The following SWAP70 variants were observed in gnomAD, a reference collection of about 807,000 sequenced individuals.
SWAP70 encodes switching B cell complex subunit SWAP70.
Under a neutral mutation model 80.2 loss-of-function variants are expected in SWAP70, and 34 were observed. The ratio of observed to expected loss-of-function variants is 0.42; its 90% CI spans 0.32 to 0.56. The LOEUF (loss-of-function observed/expected upper bound fraction) is 0.56. SWAP70 is among the 20% of genes least tolerant of loss of function. SWAP70 has a pLI of 0.09. For synonymous variants in SWAP70, 239 were observed against 238.5 expected (o/e 1.00, Z -0.02); for missense variants, 578 against 690.7 (o/e 0.84, Z 1.83).
At position 9,704,782 on chromosome 11, in the gene SWAP70, G is replaced by A. The variant is rs570898797; in HGVS notation, c.241-8684G>A. On this transcript the variant is annotated intron_variant, in intron 2 of 11. Transcript: ENST00000318950. ...GCACTAGAAGCTCCTTAGAGACTAC[G>A]TATGTCTTATTTTATGTGGGACTCC... 1.4e-4 allele frequency among the ~76,000 whole-genome samples: 21 copies of A among 152,250 alleles called. No individual in the cohort carries two copies. In the South Asian group the frequency reaches 2.1e-3, roughly 15 times the overall value.
intron 1 of SWAP70, among the ~76,000 whole-genome samples, chr11:9,674,862 G>A (rs1472376608): frequency 6.6e-6 from 1 of 151,984 alleles, no homozygotes; most frequent in African/African-American, 2.4e-5. Context: ...CCAGCTACTC[G>A]GGAGGCTGAG....
chr11:9,734,117 A>G (rs1851334537), intron 7 of SWAP70, among the ~76,000 whole-genome samples: 1 of 152,166 alleles, frequency 6.6e-6, no homozygotes, highest in South Asian at 2.1e-4. Context: ...GAAATGCTTC[A>G]ATGAGCATTT....
chr11:9,694,750 A>G (rs1418346930), intron 2 of SWAP70, among the ~76,000 whole-genome samples: 2 of 152,200 alleles, frequency 1.3e-5, no homozygotes, highest in Non-Finnish European at 2.9e-5. Context: ...AATCAAAACC[A>G]CAATGAGATA....
At chr11:9,684,784 A>G (rs1850610416) in intron 1 of SWAP70, among the ~76,000 whole-genome samples, 1 of 152,216 alleles carries the variant, frequency 6.6e-6, no homozygotes, top group African/African-American at 2.4e-5. Flanking sequence ...TAAAGTAGCA[A>G]AATGAAATTT....
rs1384406849 is a variant in SWAP70, at chr11:9,741,790, G to A, written c.1355+1443G>A. 3 of 151,888 alleles carry A rather than the reference G, an allele frequency of 2.0e-5. 1 individual carries two copies. Among genetic ancestry groups the A allele is most frequent in the Non-Finnish European group, 4.4e-5 (3 of 67,990 alleles). The allele number at this position is 151,888 out of a possible 1,614,324, so 9.4% of individuals were successfully genotyped here. ...TGAAGCCAGTGGTTTTTTAACCAAT[G>A]TTATGTATCAGAATCACCTCACAAA... On this transcript the variant is annotated intron_variant, in intron 9 of 11. Transcript: ENST00000318950.
intron 3 of SWAP70, among the ~76,000 whole-genome samples, chr11:9,719,726 A>G (rs1851111925): frequency 6.6e-6 from 1 of 152,200 alleles, no homozygotes. Flanking sequence ...ATTCCTGGAA[A>G]TATGTGCCTG....
intron 3 of SWAP70, among the ~76,000 whole-genome samples, chr11:9,719,618 A>C (rs2133801343): frequency 6.6e-6 from 1 of 152,344 alleles, no homozygotes; most frequent in African/African-American, 2.4e-5. Flanking sequence ...ATAAATATTT[A>C]AGTGACTTAC....
At chr11:9,707,552 CTTTTCTTTTTTT>C (rs1475212394) in intron 2 of SWAP70, among the ~76,000 whole-genome samples, 1 of 132,280 alleles carries the variant, frequency 7.6e-6, no homozygotes, top group African/African-American at 2.8e-5. Context: ...TTTTCTTTTT[CTTTTCTTTTTTT>C]TTTTTTTTTG....
Position 9,670,438 on chromosome 11 carries a change from T to G in SWAP70, c.99+6160T>G, listed in dbSNP as rs145348384. The stretch of plus-strand genomic sequence containing the variant: ...GTGATGCAGTTTTGAACACGAAAAG[T>G]TTTTTTTTGTTTTATTTATTTATTT... On this transcript the variant is annotated intron_variant, in intron 1 of 11. Coordinates refer to ENST00000318950, the MANE Select transcript of SWAP70 (RefSeq NM_015055.4). Among the ~76,000 whole-genome samples, 14 of 151,744 alleles carry G rather than the reference T, an allele frequency of 9.2e-5. No individual in the cohort carries two copies. The East Asian group carries it at 2.3e-3, about 25-fold the overall frequency.
intron 6 of SWAP70, among the ~76,000 whole-genome samples, chr11:9,732,311 T>A (rs1053557070): frequency 2.0e-5 from 3 of 152,118 alleles, no homozygotes; most frequent in Non-Finnish European, 2.9e-5. Context: ...TGGAAACTGA[T>A]GCTGCAAGAG....
At chr11:9,700,589 C>T (rs1269471102) in intron 2 of SWAP70, among the ~76,000 whole-genome samples, 2 of 152,140 alleles carry the variant, frequency 1.3e-5, no homozygotes, top group Admixed American at 1.3e-4. Context: ...CCCCCATTAA[C>T]TAAAGAGGAA....
chr11:9,712,742 T>G (rs1851014645), intron 2 of SWAP70, among the ~76,000 whole-genome samples: 2 of 150,926 alleles, frequency 1.3e-5, no homozygotes, highest in South Asian at 4.2e-4. Context: ...TTCCTTTTTT[T>G]TTTTTTTTTT....
intron 1 of SWAP70, among the ~76,000 whole-genome samples, chr11:9,691,559 A>G (rs1181813834): frequency 6.6e-6 from 1 of 152,334 alleles, no homozygotes; most frequent in African/African-American, 2.4e-5. Flanking sequence ...TATCTTCTGC[A>G]GTGGGATCAC....
chr11:9,686,800 T>C (rs1477096271), intron 1 of SWAP70, among the ~76,000 whole-genome samples: 2 of 152,214 alleles, frequency 1.3e-5, no homozygotes, highest in Admixed American at 1.3e-4. Context: ...GTATTTGAGA[T>C]GTTTTAAATG....
At chr11:9,706,762 G>A (rs1333884124) in intron 2 of SWAP70, among the ~76,000 whole-genome samples, 2 of 151,830 alleles carry the variant, frequency 1.3e-5, no homozygotes, top group Non-Finnish European at 2.9e-5. Flanking sequence ...ATAATTCTTC[G>A]TGTTGTGTAC....
Position 9,720,056 on chromosome 11 carries a change from A to T in SWAP70, c.415-4602A>T, listed in dbSNP as rs1008151661. The T allele has an allele frequency of 3.0e-6, 3 of 985,194 alleles. No homozygotes were observed. In the African/African-American group the frequency reaches 5.2e-5, roughly 17 times the overall value. 61.0% of individuals were successfully genotyped at this position (985,194 alleles called of 1,614,324 possible). A position where few individuals can be genotyped will look rare whatever the true frequency, so the allele number is the denominator to read the frequency against. On this transcript the variant is annotated intron_variant, in intron 3 of 11. Coordinates refer to ENST00000318950, the MANE Select transcript of SWAP70 (RefSeq NM_015055.4). ...GAAGTAAGCTGCTTCCTGAAACTGAATGAGCTCTTAGAATTGATGCAGGCC... is the reference window on the plus strand; with the variant it reads ...GAAGTAAGCTGCTTCCTGAAACTGATTGAGCTCTTAGAATTGATGCAGGCC...
At chr11:9,699,788 T>C (rs980622957) in intron 2 of SWAP70, among the ~76,000 whole-genome samples, 8 of 151,768 alleles carry the variant, frequency 5.3e-5, no homozygotes, top group African/African-American at 1.9e-4. Context: ...CCTAGGAGTT[T>C]GAGGTTACAG....
chr11:9,702,432 G>A (rs1850845050), intron 2 of SWAP70, among the ~76,000 whole-genome samples: 1 of 150,784 alleles, frequency 6.6e-6, no homozygotes, highest in South Asian at 2.1e-4. Context: ...TGTTTTCTGA[G>A]ATAAGGTCTT....
At chr11:9,696,886 AAATGAT>A (rs1409528456) in intron 2 of SWAP70, among the ~76,000 whole-genome samples, 1 of 152,138 alleles carries the variant, frequency 6.6e-6, no homozygotes, top group Non-Finnish European at 1.5e-5. Flanking sequence ...GCCTTTCAAA[AAATGAT>A]AATGATAATA....
Sources: gnomAD v4.1 joint callset for allele counts (sites outside exome capture counted in the v4.1 genomes callset) on GRCh38, gnomAD v4.1.1 for gene constraint, MANE v1.5 for transcripts, NCBI Gene and HGNC (gene_info 2026-07-23, HGNC 2026-07-21) for gene names.